The following SH3BGRL2 variants were observed in gnomAD, a reference collection of about 807,000 sequenced individuals.
SH3BGRL2 encodes SH3 domain binding glutamate rich protein like 2, also known as SH3 domain-binding glutamic acid-rich-like protein 2.
A neutral mutation model predicts 14.8 loss-of-function variants in SH3BGRL2; 21 were observed. The ratio of observed to expected loss-of-function variants is 1.42; its 90% CI spans 1.01 to 2.05. The LOEUF is 2.05. SH3BGRL2 is among the 30% of genes most tolerant of loss of function. The pLI is 0.00. For missense variants in SH3BGRL2, 147 were observed against 130.8 expected, an observed-to-expected ratio of 1.12 and a Z score of -0.61; for synonymous variants, 50 against 47.8, an observed-to-expected ratio of 1.05 and a Z score of -0.19.
At chr6:79,592,835 A>G in the SH3BGRL2 span, among the ~76,000 whole-genome samples, 1 of 152,148 alleles carries the variant, frequency 6.6e-6, no homozygotes, top group Non-Finnish European at 1.5e-5. Flanking sequence ...GAGGACCCTG[A>G]GATTCCAAGA....
chr6:79,631,152 T>G, upstream of SH3BGRL2: 1 of 318,210 alleles, frequency 3.1e-6, no homozygotes, highest in Non-Finnish European at 5.7e-6. Flanking sequence ...CTGCGCGTGT[T>G]CGGGATAGAA....
At chr6:79,691,625 G>A (rs1171809536) in intron 2 of SH3BGRL2, among the ~76,000 whole-genome samples, 6 of 150,570 alleles carry the variant, frequency 4.0e-5, no homozygotes, top group Admixed American at 6.6e-5. Flanking sequence ...TTGTCCTTGC[G>A]ATAGTTTGCT....
chr6:79,538,018 G>GTT, the SH3BGRL2 span, among the ~76,000 whole-genome samples: 1,060 of 44,138 alleles, frequency 0.024, 263 homozygotes, highest in Middle Eastern at 0.033. Context: ...TTGCACACAA[G>GTT]TTTTTTTTTT....
At chr6:79,680,725 G>T (rs538634653) in intron 2 of SH3BGRL2, among the ~76,000 whole-genome samples, 3 of 151,934 alleles carry the variant, frequency 2.0e-5, no homozygotes, top group Non-Finnish European at 4.4e-5. Context: ...CCATTTATTT[G>T]AATCTCCTTT....
upstream of SH3BGRL2, chr6:79,631,242 C>A: frequency 2.5e-6 from 1 of 406,706 alleles, no homozygotes; most frequent in Non-Finnish European, 4.3e-6. Flanking sequence ...GCCCCGCAGC[C>A]GGCTCCCTCC....
At chr6:79,590,424 G>GACATATATATAT in the SH3BGRL2 span, among the ~76,000 whole-genome samples, 1 of 66,666 alleles carries the variant, frequency 1.5e-5, no homozygotes, top group African/African-American at 7.1e-5. Context: ...AAGAAAATGT[G>GACATATATATAT]ATATATATAT....
chr6:79,540,736 G>A, the SH3BGRL2 span, among the ~76,000 whole-genome samples: 2 of 152,042 alleles, frequency 1.3e-5, no homozygotes, highest in Non-Finnish European at 2.9e-5. Flanking sequence ...TGATTAACAC[G>A]GATTAATTTT....
chr6:79,621,883 T>C, the SH3BGRL2 span, among the ~76,000 whole-genome samples: 2 of 152,154 alleles, frequency 1.3e-5, no homozygotes, highest in Non-Finnish European at 2.9e-5. Flanking sequence ...GGAAATCATA[T>C]TTTTTGCTTG....
chr6:79,678,350 T>C (rs1252243714), intron 2 of SH3BGRL2, among the ~76,000 whole-genome samples: 1 of 152,174 alleles, frequency 6.6e-6, no homozygotes, highest in Non-Finnish European at 1.5e-5. Context: ...ATATAAAATA[T>C]CTACTTCAGA....
the SH3BGRL2 span, among the ~76,000 whole-genome samples, chr6:79,611,618 G>T: frequency 4.6e-5 from 7 of 152,072 alleles, no homozygotes; most frequent in African/African-American, 1.7e-4. Context: ...CGCCATGTTG[G>T]CCAGGCTGGT....
At chr6:79,650,596 A>T (rs186074394) in intron 1 of SH3BGRL2, among the ~76,000 whole-genome samples, 1 of 152,102 alleles carries the variant, frequency 6.6e-6, no homozygotes, top group East Asian at 1.9e-4. Flanking sequence ...CATGAGAGAG[A>T]GAAGGGAGGA....
the SH3BGRL2 span, among the ~76,000 whole-genome samples, chr6:79,606,487 T>TAACA: frequency 3.3e-5 from 5 of 152,326 alleles, no homozygotes. Flanking sequence ...CAACTGGGAC[T>TAACA]AACACAGGTA....
At chr6:79,538,215 T>C in the SH3BGRL2 span, among the ~76,000 whole-genome samples, 1 of 152,062 alleles carries the variant, frequency 6.6e-6, no homozygotes, top group East Asian at 1.9e-4. Context: ...TCAAGGTGGT[T>C]TAACACTACT....
the SH3BGRL2 span, among the ~76,000 whole-genome samples, chr6:79,564,289 A>G: frequency 5.3e-5 from 8 of 152,342 alleles, no homozygotes; most frequent in South Asian, 1.7e-3. Flanking sequence ...ATGAACGATT[A>G]CATTTGTAAA....
At chr6:79,606,642 A>T in the SH3BGRL2 span, among the ~76,000 whole-genome samples, 1 of 152,230 alleles carries the variant, frequency 6.6e-6, no homozygotes, top group African/African-American at 2.4e-5. Context: ...AAAAACCCAC[A>T]TTCCTACTTG....
chr6:79,583,743 C>G, the SH3BGRL2 span, among the ~76,000 whole-genome samples: 38 of 152,322 alleles, frequency 2.5e-4, no homozygotes, highest in Non-Finnish European at 4.3e-4. Flanking sequence ...ATGAAACCTG[C>G]ACGTTGTGCA....
At chr6:79,685,883 C>A (rs1232946437) in intron 2 of SH3BGRL2, among the ~76,000 whole-genome samples, 2 of 152,142 alleles carry the variant, frequency 1.3e-5, no homozygotes, top group Non-Finnish European at 2.9e-5. Flanking sequence ...TCTGGCAAAC[C>A]TATTAGAGAA....
chr6:79,572,800 T>C, the SH3BGRL2 span, among the ~76,000 whole-genome samples: 1 of 152,180 alleles, frequency 6.6e-6, no homozygotes, highest in Non-Finnish European at 1.5e-5. Context: ...ACTAGTGAGA[T>C]TGAGCATTTT....
chr6:79,680,845 T>C (rs574672658), intron 2 of SH3BGRL2, among the ~76,000 whole-genome samples: 1 of 152,358 alleles, frequency 6.6e-6, no homozygotes, highest in South Asian at 2.1e-4. Flanking sequence ...AATTGTTTTC[T>C]TAATTTTCTG....
Sources: gnomAD v4.1 joint callset for allele counts (sites outside exome capture counted in the v4.1 genomes callset) on GRCh38, gnomAD v4.1.1 for gene constraint, MANE v1.5 for transcripts, NCBI Gene and HGNC (gene_info 2026-07-23, HGNC 2026-07-21) for gene names.